The following SLC27A5 variants were observed in gnomAD, a reference collection of about 807,000 sequenced individuals.
The protein encoded by SLC27A5 is long-chain fatty acid transport protein 5.
SLC27A5 carries 47 observed loss-of-function variants against 63.1 expected under a neutral mutation model. The observed-to-expected ratio is 0.74, with a 90% confidence interval of 0.59 to 0.95. SLC27A5 has a LOEUF of 0.95. Among genes scored for constraint, SLC27A5 ranks in the 40% least tolerant of loss-of-function variants. The pLI, the probability that SLC27A5 is intolerant of heterozygous loss-of-function variation, is 0.00. For synonymous variants in SLC27A5, 391 were observed against 403.8 expected, an observed-to-expected ratio of 0.97 and a Z score of 0.38; for missense variants, 940 against 921.0, an observed-to-expected ratio of 1.02 and a Z score of -0.27.
Position 58,511,325 on chromosome 19 carries a change from TC to T in SLC27A5, c.630del (p.Met211CysfsTer8), listed in dbSNP as rs779804262. On this transcript the variant is annotated frameshift_variant, in exon 1 of 10. Transcript: ENST00000263093. LOFTEE classifies it high-confidence loss of function. ...PTAWINPHGR[G>X]MPLAHSVLSS... Reference sequence around the variant, plus strand: ...CTCAGCACAGAGTGCGCCAGGGGCATCCCCCGGCCATGCGGGTTGATCCAGG... The same window carrying T: ...CTCAGCACAGAGTGCGCCAGGGGCATCCCCGGCCATGCGGGTTGATCCAGG... The T allele has an allele frequency of 3.8e-6, 6 of 1,593,428 alleles. No individual in the cohort carries two copies. The highest frequency in any genetic ancestry group is 1.7e-5 in the Admixed American group (1 of 59,226).
intron 3 of SLC27A5, among the ~76,000 whole-genome samples, chr19:58,503,694 C>T (rs191275629): frequency 2.9e-4 from 44 of 152,000 alleles, no homozygotes; most frequent in Admixed American, 1.6e-3. Flanking sequence ...AATCTAACAA[C>T]ACCTCTAGTT....
chr19:58,500,778 G>A lies in SLC27A5; in HGVS notation c.1183-72C>T, dbSNP rs182410146. On this transcript the variant is annotated intron_variant, in intron 4 of 9. Coordinates refer to ENST00000263093, the MANE Select transcript of SLC27A5 (RefSeq NM_012254.3). The stretch of plus-strand genomic sequence containing the variant: ...ATGCCTTGGAACCTTTACCTAGAGG[G>A]GGTGTTATCCTGGGTCCTTACCTTG... 4.7e-4 allele frequency: 734 copies of A among 1,570,300 alleles called. 6 individuals carry two copies. In the East Asian group the frequency reaches 0.015, roughly 32 times the overall value.
At chr19:58,502,928 T>G (rs577628060) in intron 3 of SLC27A5, among the ~76,000 whole-genome samples, 8 of 151,876 alleles carry the variant, frequency 5.3e-5, no homozygotes, top group Non-Finnish European at 1.0e-4. Flanking sequence ...GATAGGTGGC[T>G]GGGTGAGGAT....
chr19:58,506,540 AAAAC>A (rs1258625954), intron 3 of SLC27A5, among the ~76,000 whole-genome samples: 1 of 152,254 alleles, frequency 6.6e-6, no homozygotes, highest in African/African-American at 2.4e-5. Context: ...CTGTGTCTCA[AAAAC>A]AAACAAAAAA....
rs779799564 is a variant in SLC27A5 at position 58,511,841 on chromosome 19, C to A, written c.115G>T (p.Asp39Tyr). 2.6e-6 allele frequency: 4 copies of A among 1,558,832 alleles called. No individual in the cohort carries two copies. The highest frequency in any genetic ancestry group is 3.5e-6 in the Non-Finnish European group (4 of 1,151,774). Residue 39 changes from aspartate to tyrosine, a missense_variant, in exon 1 of 10, where the codon GAT becomes TAT. Asp to Tyr is a radical substitution (Grantham distance 160). Coordinates refer to ENST00000263093, the MANE Select transcript of SLC27A5 (RefSeq NM_012254.3). ...CCAAGTAGCACGCAACATGTGGGAT[C>A]CCCCAGGAGCCAGCGCAGGGTCAAG... ...VALTLRWLLGDPTCCVLLGLA... is the reference protein window; with the variant it reads ...VALTLRWLLGYPTCCVLLGLA...
Position 58,510,708 on chromosome 19 carries a change from T to G in SLC27A5, c.898+13A>C. ...GTTCAGAGGCTGGTGCTAGGGCTAATGGGCACCCTCACCAGTGGTCCCCGA... is the reference window on the plus strand; with the variant it reads ...GTTCAGAGGCTGGTGCTAGGGCTAAGGGGCACCCTCACCAGTGGTCCCCGA... On this transcript the variant is annotated intron_variant, in intron 2 of 9. Transcript: ENST00000263093. 1.3e-6 allele frequency: 2 copies of G among 1,588,066 alleles called. No individual in the cohort carries two copies. The highest frequency in any genetic ancestry group is 8.6e-7 in the Non-Finnish European group (1 of 1,164,456).
chr19:58,506,260 C>T (rs980911944), intron 3 of SLC27A5, among the ~76,000 whole-genome samples: 5 of 152,028 alleles, frequency 3.3e-5, no homozygotes, highest in East Asian at 3.9e-4. Flanking sequence ...AGACGCCAGG[C>T]GCGGTGGTTC....
Position 58,500,331 on chromosome 19 carries a change from C to G in SLC27A5, c.1468+8G>C, listed in dbSNP as rs2053259147. 6.2e-7 allele frequency: 1 copy of G among 1,611,474 alleles called. No homozygotes were observed. Among genetic ancestry groups the G allele is most frequent in the Non-Finnish European group, 8.5e-7 (1 of 1,179,286 alleles). Reference sequence around the variant, plus strand: ...TGCCACCCAGGAAAGGCTCCTCAACCCCCATACCTAGCCCTACAGGGATGC... The same window carrying G: ...TGCCACCCAGGAAAGGCTCCTCAACGCCCATACCTAGCCCTACAGGGATGC... On this transcript the variant is annotated splice_region_variant and intron_variant, in intron 6 of 9. Coordinates refer to ENST00000263093, the MANE Select transcript of SLC27A5 (RefSeq NM_012254.3).
In SLC27A5 at chr19:58,500,690, G is replaced by C; in HGVS notation, c.1199C>G (p.Thr400Arg). ...GCCCATTGCCAGGCGGACTGTATGT[G>C]TCCGGTCCTCTGGTTGCTACAGGAA... ...CNIPQQPEDR[T>R]HTVRLAMGNG... The change falls in exon 5 of 10, where the codon ACA (threonine) becomes AGA (arginine). Residue 400 changes from threonine (T) to arginine (R), a missense_variant. Transcript: ENST00000263093. 6.2e-7 allele frequency: 1 copy of C among 1,613,674 alleles called. No homozygotes were observed. The highest frequency in any genetic ancestry group is 1.1e-5 in the South Asian group (1 of 91,078).
rs1363115225 is a variant in SLC27A5, at chr19:58,498,796, T to C, written c.1885A>G (p.Ile629Val). 5.6e-6 allele frequency: 9 copies of C among 1,613,706 alleles called. No individual in the cohort carries two copies. The highest frequency in any genetic ancestry group is 6.8e-6 in the Non-Finnish European group (8 of 1,179,900). The part of the protein sequence containing the change: ...WLPAYATPHF[I>V]RIQDAMEVTS... Reference sequence around the variant, plus strand: ...CACCCTGGGCTCACCTGGATGCGGATGAAATGGGGGGTAGCGTAGGCAGGG... The same window carrying C: ...CACCCTGGGCTCACCTGGATGCGGACGAAATGGGGGGTAGCGTAGGCAGGG... The change falls in exon 9 of 10, where the codon ATC (isoleucine) becomes GTC (valine). Residue 629 changes from isoleucine to valine, a missense_variant. Ile to Val is a conservative substitution (Grantham distance 29). Transcript: ENST00000263093.
At chr19:58,510,430 T>C (rs577119282) in intron 2 of SLC27A5, 53 of 363,016 alleles carry the variant, frequency 1.5e-4, no homozygotes, top group Non-Finnish European at 2.4e-4. Flanking sequence ...AAAAATTAGC[T>C]GGGCATAGTG....
rs189162242 is a variant in SLC27A5, at chr19:58,506,403, C to T, written c.1057+3444G>A. Among the ~76,000 whole-genome samples, 494 of 152,158 alleles carry T rather than the reference C, an allele frequency of 3.2e-3. 2 individuals are homozygous for T. The highest frequency in any genetic ancestry group is 0.011 in the African/African-American group (452 of 41,546). On this transcript the variant is annotated intron_variant, in intron 3 of 9. Coordinates refer to ENST00000263093, the MANE Select transcript of SLC27A5 (RefSeq NM_012254.3). ...TACAAACATTAGCCAGGTGTGGAGG[C>T]GCATGCCTGTAATCCCAGCTACTCA...
In SLC27A5 at chr19:58,510,917, G is replaced by A. The variant is rs1486362274; in HGVS notation, c.702C>T (p.Ser234=). 6.2e-7 allele frequency: 1 copy of A among 1,605,994 alleles called. No individual in the cohort carries two copies. The highest frequency in any genetic ancestry group is 1.1e-5 in the South Asian group (1 of 89,946). The part of the protein sequence containing the change: ...VLVVDPDLRE[S]LEEILPKLQA... ...GCAGCTTGGGAAGGATCTCCTCCAG[G>A]CTCTCCCGGAGGTCTGCAGAGATGG... Residue 234 remains serine, a synonymous_variant, in exon 2 of 10, where the codon AGC becomes AGT. Transcript: ENST00000263093.
At position 58,500,361 on chromosome 19, in the gene SLC27A5, G is replaced by A; in HGVS notation, c.1446C>T (p.Gly482=). 6.2e-7 allele frequency: 1 copy of A among 1,613,442 alleles called. No homozygotes were observed. The highest frequency in any genetic ancestry group is 8.5e-7 in the Non-Finnish European group (1 of 1,179,948). Residue 482 remains glycine (G), a synonymous_variant, in exon 6 of 10, where the codon GGC becomes GGT. Coordinates refer to ENST00000263093, the MANE Select transcript of SLC27A5 (RefSeq NM_012254.3). Reference sequence around the variant, plus strand: ...TACCTAGCCCTACAGGGATGCAGAAGCCCTGATTGTCCCTCACAGGCTCCG... The same window carrying A: ...TACCTAGCCCTACAGGGATGCAGAAACCCTGATTGTCCCTCACAGGCTCCG... The part of the protein sequence containing the change: ...EAAEPVRDNQ[G]FCIPVGLGEP...
intron 4 of SLC27A5, chr19:58,501,056 G>A (rs2053268710): frequency 4.0e-6 from 5 of 1,236,494 alleles, no homozygotes; most frequent in Non-Finnish European, 5.3e-6. Flanking sequence ...TCATGATAGG[G>A]GTAGGGGCTA....
At chr19:58,504,376 C>T (rs938650075) in intron 3 of SLC27A5, among the ~76,000 whole-genome samples, 4 of 152,214 alleles carry the variant, frequency 2.6e-5, no homozygotes, top group Non-Finnish European at 4.4e-5. Flanking sequence ...TGGCTGGGCA[C>T]GGTGGCTCAC....
At position 58,511,294 on chromosome 19, in the gene SLC27A5, C is replaced by A; in HGVS notation, c.662G>T (p.Gly221Val). Residue 221 changes from glycine to valine, a missense_variant, in exon 1 of 10, where the codon GGG becomes GTG. Gly to Val is a moderately radical substitution (Grantham distance 109). Transcript: ENST00000263093. ...MPLAHSVLSS[G>V]ARVLVVDPDL... ...TGGGTCCACCACCAGCACCCGGGCCCCAGAGCTCAGCACAGAGTGCGCCAG... is the reference window on the plus strand; with the variant it reads ...TGGGTCCACCACCAGCACCCGGGCCACAGAGCTCAGCACAGAGTGCGCCAG... 5 of 1,560,880 alleles carry A rather than the reference C, an allele frequency of 3.2e-6. No homozygotes were observed. Among genetic ancestry groups the A allele is most frequent in the Non-Finnish European group, 4.4e-6 (5 of 1,148,282 alleles).
intron 4 of SLC27A5, 182 bp downstream of exon 4, chr19:58,501,104 G>A: frequency 8.3e-7 from 1 of 1,198,178 alleles, no homozygotes; most frequent in South Asian, 1.7e-5. Context: ...TGAGGCTCAA[G>A]GTAGCACAGC....
At chr19:58,510,152 T>TTC in intron 2 of SLC27A5, 147 bp from the exon 3 acceptor site, 1 of 712,678 alleles carries the variant, frequency 1.4e-6, no homozygotes, top group Non-Finnish European at 2.2e-6. Context: ...TGTGGTTGGG[T>TTC]TCACAGGCTG....
Sources: allele counts gnomAD v4.1 joint callset (sites outside exome capture counted in the v4.1 genomes callset), GRCh38; gene constraint gnomAD v4.1.1; transcripts MANE v1.5; gene names NCBI Gene and HGNC (gene_info 2026-07-23, HGNC 2026-07-21).